CRYGD: variants seen among roughly 807,000 people sequenced by gnomAD.
The protein encoded by CRYGD is gamma-crystallin D.
A neutral mutation model predicts 11.3 loss-of-function variants in CRYGD; 13 were observed. The ratio of observed to expected loss-of-function variants is 1.15; its 90% CI spans 0.75 to 1.83. The LOEUF is 1.83. Among genes scored for constraint, CRYGD ranks in the 40% most tolerant of loss-of-function variants. CRYGD has a pLI of 0.00. For missense variants in CRYGD, 231 were observed against 229.9 expected (o/e 1.00, Z -0.03); for synonymous variants, 77 against 89.5 (o/e 0.86, Z 0.79).
intron 2 of CRYGD, 72 bp from the exon 3 acceptor site, chr2:208,122,017 A>T: frequency 1.2e-6 from 2 of 1,607,664 alleles, no homozygotes; most frequent in Admixed American, 3.3e-5. Flanking sequence ...TAGGCAGTCC[A>T]GCTTGGTGAG....
At position 208,124,463 on chromosome 2, in the gene CRYGD, A is replaced by C. The variant is rs750407060; in HGVS notation, c.9+2T>G. ...GGGTCCCGGGGCGCAGGCTGGGCTC[A>C]CCTTCCCCATGGCTGGCTGGGCGCA... On this transcript the variant is annotated splice_donor_variant, in intron 1 of 2. Transcript: ENST00000264376. LOFTEE classifies it high-confidence loss of function. The C allele has an allele frequency of 2.2e-5, 34 of 1,576,212 alleles. No individual in the cohort carries two copies. In the East Asian group the frequency reaches 3.7e-4, roughly 17 times the overall value.
intron 2 of CRYGD, among the ~76,000 whole-genome samples, chr2:208,122,545 A>G (rs1369429659): frequency 6.7e-6 from 1 of 148,780 alleles, no homozygotes; most frequent in Non-Finnish European, 1.5e-5. Flanking sequence ...CTTTACTAAA[A>G]TATAAATAAA....
chr2:208,122,292 A>G (rs956677189), intron 2 of CRYGD, among the ~76,000 whole-genome samples: 1 of 150,508 alleles, frequency 6.6e-6, no homozygotes, highest in African/African-American at 2.4e-5. Flanking sequence ...GAAATGTTTT[A>G]ATATTAAAAT....
Position 208,121,626 on chromosome 2 carries a change from A to G in CRYGD, c.*47T>C, listed in dbSNP as rs1399531175. 21 of 1,600,548 alleles carry G rather than the reference A, an allele frequency of 1.3e-5. No homozygotes were observed. The highest frequency in any genetic ancestry group is 8.1e-5 in the African/African-American group (6 of 74,334). On this transcript the variant is annotated 3_prime_UTR_variant, in exon 3 of 3. Coordinates refer to ENST00000264376, the MANE Select transcript of CRYGD (RefSeq NM_006891.4). Reference sequence around the variant, plus strand: ...AATCAGTGCCAGGAACACACAGAAAATATTTTATTAGTTTCCAAATTAAGA... The same window carrying G: ...AATCAGTGCCAGGAACACACAGAAAGTATTTTATTAGTTTCCAAATTAAGA...
chr2:208,123,533 T>C (rs1342131484), intron 2 of CRYGD, among the ~76,000 whole-genome samples: 1 of 151,642 alleles, frequency 6.6e-6, no homozygotes, highest in African/African-American at 2.4e-5. Flanking sequence ...GTCAATAACT[T>C]GTGAATGCAA....
chr2:208,121,952 G>A lies in CRYGD; in HGVS notation c.253-7C>T, dbSNP rs1254107917. ...TGATCCTGTGAGAGCCAGACTGGCG[G>A]ACCCAGAAATAAAAAGAGAAGAAAA... On this transcript the variant is annotated splice_region_variant and splice_polypyrimidine_tract_variant and intron_variant, in intron 2 of 2. Transcript: ENST00000264376. 3 of 1,613,978 alleles carry A rather than the reference G, an allele frequency of 1.9e-6. No individual in the cohort carries two copies. The African/African-American group carries it at 4.0e-5, about 22-fold the overall frequency.
Position 208,122,802 on chromosome 2 carries a change from G to A in CRYGD, c.253-857C>T, listed in dbSNP as rs192566336. 2.4e-4 allele frequency among the ~76,000 whole-genome samples: 36 copies of A among 150,972 alleles called. No individual in the cohort carries two copies. In the East Asian group the frequency reaches 6.4e-3, roughly 27 times the overall value. On this transcript the variant is annotated intron_variant, in intron 2 of 2. Coordinates refer to ENST00000264376, the MANE Select transcript of CRYGD (RefSeq NM_006891.4). The stretch of plus-strand genomic sequence containing the variant: ...CAGGAAGCAGAGGTTGCAGTGTGCC[G>A]AGATCATGCCACTGCACTCCAGCGT...
chr2:208,121,935 T>C lies in CRYGD; in HGVS notation c.263A>G (p.His88Arg). The C allele has an allele frequency of 6.2e-7, 1 of 1,614,116 alleles. No homozygotes were observed. Among genetic ancestry groups the C allele is most frequent in the Non-Finnish European group, 8.5e-7 (1 of 1,180,016 alleles). Reference protein sequence around the residue: ...SCRLIPHSGSHRIRLYEREDY... With the variant: ...SCRLIPHSGSRRIRLYEREDY... ...CTCTCTCTCATAGAGTCTGATCCTG[T>C]GAGAGCCAGACTGGCGGACCCAGAA... The change falls in exon 3 of 3, where the codon CAC becomes CGC. Residue 88 changes from histidine to arginine, a missense_variant. Coordinates refer to ENST00000264376, the MANE Select transcript of CRYGD (RefSeq NM_006891.4).
chr2:208,121,790 C>G lies in CRYGD; in HGVS notation c.408G>C (p.Leu136=). 1 of 1,614,178 alleles carries G rather than the reference C, an allele frequency of 6.2e-7. No individual in the cohort carries two copies. The highest frequency in any genetic ancestry group is 1.1e-5 in the South Asian group (1 of 91,080). The change falls in exon 3 of 3, where the codon CTG becomes CTC. Residue 136 remains leucine, a synonymous_variant. Transcript: ENST00000264376. The part of the protein sequence containing the change: ...VLEGSWVLYE[L]SNYRGRQYLL... ...GGTACTGCCGTCCTCGGTAGTTGGA[C>G]AGCTCGTAGAGGACCCAGGAGCCCT...
chr2:208,124,499 G>C lies in CRYGD; in HGVS notation c.-26C>G, dbSNP rs1470640009. On this transcript the variant is annotated 5_prime_UTR_variant, in exon 1 of 3. Transcript: ENST00000264376. ...GGCTGGCTGGGCGCACGGCGGTGCT[G>C]AGCTGGTGGGGCGGCGGCGCTGAGC... is the stretch of plus-strand genomic sequence containing the variant. 5.2e-6 allele frequency: 8 copies of C among 1,549,300 alleles called. No homozygotes were observed. The highest frequency in any genetic ancestry group is 6.9e-6 in the Non-Finnish European group (8 of 1,153,488).
At chr2:208,122,856 AAAT>A (rs1405217557) in intron 2 of CRYGD, among the ~76,000 whole-genome samples, 1 of 150,322 alleles carries the variant, frequency 6.7e-6, no homozygotes, top group South Asian at 2.1e-4. Flanking sequence ...TCGTCAAAAA[AAAT>A]AATAATAATA....
Position 208,123,988 on chromosome 2 carries a change from A to C in CRYGD, c.252+124T>G, listed in dbSNP as rs971006188. 2.1e-6 allele frequency: 3 copies of C among 1,405,612 alleles called. No individual in the cohort carries two copies. The East Asian group carries it at 7.2e-5, about 34-fold the overall frequency. 87.1% of individuals were successfully genotyped at this position (1,405,612 alleles called of 1,614,324 possible). A position where few individuals can be genotyped will look rare whatever the true frequency, so the allele number is the denominator to read the frequency against. ...GCAAACTCTATTGACTTAATCCACTATAGTTCATCTTTTGTCCACTCTCAG... is the reference window on the plus strand; with the variant it reads ...GCAAACTCTATTGACTTAATCCACTCTAGTTCATCTTTTGTCCACTCTCAG... On this transcript the variant is annotated intron_variant, in intron 2 of 2. Transcript: ENST00000264376.
intron 2 of CRYGD, among the ~76,000 whole-genome samples, chr2:208,122,573 A>G (rs2105852162): frequency 6.7e-6 from 1 of 149,798 alleles, no homozygotes; most frequent in South Asian, 2.1e-4. Context: ...TAAAATACAG[A>G]AATATAAGGG....
At chr2:208,123,335 A>T (rs948027762) in intron 2 of CRYGD, among the ~76,000 whole-genome samples, 1 of 147,096 alleles carries the variant, frequency 6.8e-6, no homozygotes, top group Non-Finnish European at 1.5e-5. Context: ...TATTAAATAT[A>T]TCATTTAATA....
intron 2 of CRYGD, among the ~76,000 whole-genome samples, chr2:208,123,372 T>C (rs1376052514): frequency 2.0e-5 from 3 of 147,332 alleles, no homozygotes; most frequent in Admixed American, 6.8e-5. Flanking sequence ...AATGCATCAT[T>C]TAAATCAATG....
At chr2:208,124,439 G>C (rs1262397503) in intron 1 of CRYGD, 26 bp downstream of exon 1, 4 of 1,586,626 alleles carry the variant, frequency 2.5e-6, no homozygotes, top group South Asian at 2.3e-5. Flanking sequence ...GAAGCTCCGG[G>C]GTCCCGGGGC....
intron 2 of CRYGD, among the ~76,000 whole-genome samples, chr2:208,123,020 C>A (rs1694899967): frequency 6.7e-6 from 1 of 149,868 alleles, no homozygotes. Flanking sequence ...GATTGCACCA[C>A]TGCACTCCAG....
intron 2 of CRYGD, among the ~76,000 whole-genome samples, chr2:208,122,234 G>A (rs1259779446): frequency 6.6e-6 from 1 of 151,688 alleles, no homozygotes; most frequent in Non-Finnish European, 1.5e-5. Flanking sequence ...TGTACCACAT[G>A]CAAATCCAAA....
intron 2 of CRYGD, among the ~76,000 whole-genome samples, chr2:208,122,952 A>G (rs1694896685): frequency 6.7e-6 from 1 of 150,342 alleles, no homozygotes; most frequent in Admixed American, 6.6e-5. Context: ...CCAGCTACTC[A>G]GGAGACTGAG....
Sources: gnomAD v4.1 joint callset for allele counts (sites outside exome capture counted in the v4.1 genomes callset) on GRCh38, gnomAD v4.1.1 for gene constraint, MANE v1.5 for transcripts, NCBI Gene and HGNC (gene_info 2026-07-23, HGNC 2026-07-21) for gene names.